Variants in TSTD2 observed in about 807,000 individuals in gnomAD.
The protein encoded by TSTD2 is thiosulfate sulfurtransferase/rhodanese-like domain-containing protein 2.
TSTD2 carries 37 observed loss-of-function variants against 47.9 expected under a neutral mutation model. The ratio of observed to expected loss-of-function variants is 0.77; its 90% CI spans 0.59 to 1.02. The LOEUF (loss-of-function observed/expected upper bound fraction) is 1.02, where lower values mean the gene tolerates loss of function less well. TSTD2 is among the 50% of genes least tolerant of loss of function. The pLI is 0.00. For synonymous variants in TSTD2, 201 were observed against 215.9 expected (o/e 0.93, Z 0.61); for missense variants, 586 against 616.0 (o/e 0.95, Z 0.52).
intron 1 of TSTD2, among the ~76,000 whole-genome samples, chr9:97,632,158 G>A (rs986322402): frequency 6.6e-6 from 1 of 152,224 alleles, no homozygotes; most frequent in Non-Finnish European, 1.5e-5. Flanking sequence ...AACCAAAGAA[G>A]GCCTCACTAA....
chr9:97,620,033 A>G (rs1481722170), intron 3 of TSTD2, among the ~76,000 whole-genome samples: 1 of 152,190 alleles, frequency 6.6e-6, no homozygotes, highest in Non-Finnish European at 1.5e-5. Flanking sequence ...TTCAGCTCAG[A>G]AAACTGTATC....
chr9:97,632,710 C>CAGT (rs1397334657), intron 1 of TSTD2, among the ~76,000 whole-genome samples: 4 of 152,194 alleles, frequency 2.6e-5, no homozygotes, highest in African/African-American at 9.7e-5. Flanking sequence ...TTAAACAAAG[C>CAGT]AGTAACACGA....
chr9:97,603,734 G>T (rs1034098), intron 9 of TSTD2, among the ~76,000 whole-genome samples: 17,981 of 152,146 alleles, frequency 0.12, 3,016 homozygotes, highest in African/African-American at 0.37. Flanking sequence ...GGGTCTTGCT[G>T]TGTCACCCAG....
chr9:97,632,929 T>C (rs1272254299), intron 1 of TSTD2, among the ~76,000 whole-genome samples: 1 of 152,206 alleles, frequency 6.6e-6, no homozygotes, highest in Non-Finnish European at 1.5e-5. Flanking sequence ...GATAAGCCAG[T>C]ATGGTGCTCA....
intron 3 of TSTD2, among the ~76,000 whole-genome samples, chr9:97,622,840 T>A (rs1336393805): frequency 6.6e-6 from 1 of 152,260 alleles, no homozygotes; most frequent in Non-Finnish European, 1.5e-5. Flanking sequence ...CCATTTGGAA[T>A]GGCTGTATTT....
In TSTD2 at chr9:97,624,741, GAA is replaced by G. The variant is rs1221611664; in HGVS notation, c.482+938_482+939del. Among the ~76,000 whole-genome samples, 5 of 136,906 alleles carry G rather than the reference GAA, an allele frequency of 3.7e-5. No homozygotes were observed. In the South Asian group the frequency reaches 1.1e-3, roughly 31 times the overall value. The allele number at this position is 136,906 out of a possible 152,430, so 89.8% of individuals were successfully genotyped here. ...GTCTAATGCAGTTTGAAAGACTCCA[GAA>G]AAAAAAAAAGGTTAAATCAAAGAAA... On this transcript the variant is annotated intron_variant, in intron 3 of 9. Coordinates refer to ENST00000341170, the MANE Select transcript of TSTD2 (RefSeq NM_139246.5).
chr9:97,604,146 T>TA (rs1826323621), intron 9 of TSTD2: 1 of 152,236 alleles, frequency 6.6e-6, no homozygotes, highest in South Asian at 2.1e-4. Context: ...GTGGTGGGCC[T>TA]AATAACTATT....
intron 1 of TSTD2, among the ~76,000 whole-genome samples, chr9:97,632,518 G>C (rs977059906): frequency 6.6e-6 from 1 of 151,476 alleles, no homozygotes; most frequent in Non-Finnish European, 1.5e-5. Flanking sequence ...GAGTAACTGG[G>C]ACTACAGGCG....
rs1213516663 is a variant in TSTD2 at position 97,604,771 on chromosome 9, AAAAC to A, written c.1204_1207del (p.Val402LeufsTer40). 19 of 1,614,100 alleles carry A rather than the reference AAAAC, an allele frequency of 1.2e-5. No homozygotes were observed. The highest frequency in any genetic ancestry group is 8.0e-5 in the African/African-American group (6 of 74,928). ...GTAGGACAGAGCATAGCGTTCATCA[AAAAC>A]AAACAACTTCCCTTTGTAAAAGCCA... On this transcript the variant is annotated frameshift_variant, in exon 9 of 10. Coordinates refer to ENST00000341170, the MANE Select transcript of TSTD2 (RefSeq NM_139246.5). LOFTEE classifies it high-confidence loss of function.
chr9:97,603,395 C>G (rs1037203689), intron 9 of TSTD2, among the ~76,000 whole-genome samples: 40 of 152,316 alleles, frequency 2.6e-4, no homozygotes, highest in African/African-American at 8.7e-4. Context: ...TTCCCTCTCT[C>G]CTTCATACTC....
At chr9:97,605,765 C>T (rs1587975642) in intron 7 of TSTD2, 124 bp from the exon 8 acceptor site, 4 of 1,225,848 alleles carry the variant, frequency 3.3e-6, no homozygotes, top group East Asian at 5.0e-5. Flanking sequence ...TAATCTCATC[C>T]CCACTCTGAC....
intron 4 of TSTD2, 67 bp from the exon 5 acceptor site, chr9:97,611,766 C>G (rs1826465088): frequency 1.3e-6 from 2 of 1,525,624 alleles, no homozygotes; most frequent in Non-Finnish European, 1.8e-6. Context: ...CAGGGAAGAA[C>G]AATAGGCTCA....
intron 3 of TSTD2, among the ~76,000 whole-genome samples, chr9:97,620,319 T>G (rs1260477261): frequency 6.6e-6 from 1 of 152,240 alleles, no homozygotes; most frequent in Non-Finnish European, 1.5e-5. Flanking sequence ...CAACCATGAT[T>G]GTGTGGCCTC....
At chr9:97,629,270 A>G (rs1826771607) in intron 1 of TSTD2, among the ~76,000 whole-genome samples, 1 of 152,228 alleles carries the variant, frequency 6.6e-6, no homozygotes, top group Admixed American at 6.5e-5. Context: ...GTGTGGGGGA[A>G]CACACACTGC....
intron 3 of TSTD2, among the ~76,000 whole-genome samples, chr9:97,623,389 G>C (rs983596242): frequency 1.3e-5 from 2 of 152,118 alleles, no homozygotes; most frequent in African/African-American, 4.8e-5. Context: ...CCCAGTCTTG[G>C]ATATGTCTTT....
Position 97,601,186 on chromosome 9 carries a change from AAC to A in TSTD2, c.*1281_*1282del. ...CCATCCCCATTTGGCTTCTCCTTAAAACACAATTGCAGCTGCATTCTGCATCG... is the reference window on the plus strand; with the variant it reads ...CCATCCCCATTTGGCTTCTCCTTAAAACAATTGCAGCTGCATTCTGCATCG... On this transcript the variant is annotated 3_prime_UTR_variant, in exon 10 of 10. Transcript: ENST00000341170. 2.3e-6 allele frequency: 3 copies of A among 1,299,318 alleles called. No homozygotes were observed. The highest frequency in any genetic ancestry group is 3.0e-6 in the Non-Finnish European group (3 of 986,222). The allele number at this position is 1,299,318 out of a possible 1,614,324, so 80.5% of individuals were successfully genotyped here. A position where few individuals can be genotyped will look rare whatever the true frequency, so the allele number is the denominator to read the frequency against.
intron 5 of TSTD2, chr9:97,611,008 C>T (rs1016559205): frequency 3.3e-5 from 5 of 152,356 alleles, no homozygotes; most frequent in African/African-American, 1.2e-4. Context: ...CTGTAACATT[C>T]TTATTTTATA....
intron 1 of TSTD2, among the ~76,000 whole-genome samples, chr9:97,631,843 CA>C (rs57184912): frequency 3.6e-4 from 53 of 146,790 alleles, no homozygotes; most frequent in Non-Finnish European, 4.2e-4. Flanking sequence ...GACCCTGTCT[CA>C]AAAAAAAAAA....
At chr9:97,611,760 G>T (rs1826464758) in intron 4 of TSTD2, 61 bp from the exon 5 acceptor site, 2 of 1,549,676 alleles carry the variant, frequency 1.3e-6, no homozygotes, top group East Asian at 4.6e-5. Flanking sequence ...TCTTTCCAGG[G>T]AAGAACAATA....
Sources: gnomAD v4.1 joint callset for allele counts (sites outside exome capture counted in the v4.1 genomes callset) on GRCh38, gnomAD v4.1.1 for gene constraint, MANE v1.5 for transcripts, NCBI Gene and HGNC (gene_info 2026-07-23, HGNC 2026-07-21) for gene names.